The following ASPSCR1 variants were observed in gnomAD, a reference collection of about 807,000 sequenced individuals.
ASPSCR1 encodes tether containing UBX domain for GLUT4.
Under a neutral mutation model 68.9 loss-of-function variants are expected in ASPSCR1, and 55 were observed. The ratio of observed to expected loss-of-function variants is 0.80; its 90% confidence interval spans 0.64 to 1.00. The LOEUF is 1.00. ASPSCR1 is among the 50% of genes least tolerant of loss of function. ASPSCR1 has a pLI of 0.00. For synonymous variants in ASPSCR1, 352 were observed against 332.6 expected (o/e 1.06, Z -0.63); for missense variants, 765 against 762.2 (o/e 1.00, Z -0.04).
At chr17:81,979,330 G>T in intron 2 of ASPSCR1, 91 bp downstream of exon 2, 1 of 1,471,742 alleles carries the variant, frequency 6.8e-7, no homozygotes, top group Non-Finnish European at 9.5e-7. Context: ...AAGCCCCCAG[G>T]TGGTTTTAAA....
intron 13 of ASPSCR1, 95 bp from the exon 14 acceptor site, chr17:82,016,705 C>A (rs1162178512): frequency 4.7e-6 from 7 of 1,483,416 alleles, no homozygotes; most frequent in South Asian, 2.4e-5. Context: ...GCTGGCCACC[C>A]CCCTCCCAGA....
At chr17:81,995,572 G>A (rs1567970138) in intron 5 of ASPSCR1, 1 of 358,708 alleles carries the variant, frequency 2.8e-6, no homozygotes, top group Non-Finnish European at 5.2e-6. Flanking sequence ...TATGGGACGT[G>A]GCCAGCCAGG....
intron 12 of ASPSCR1, chr17:82,012,973 CTT>C (rs2043000694): frequency 6.6e-6 from 1 of 152,318 alleles, no homozygotes; most frequent in African/African-American, 2.4e-5. Context: ...TTCAAAGCCT[CTT>C]CAGATATTTT....
In ASPSCR1 at chr17:81,996,788, A is replaced by G; in HGVS notation, c.875A>G (p.Gln292Arg). Residue 292 changes from glutamine to arginine, a missense_variant, in exon 7 of 16, where the codon CAG becomes CGG. Gln to Arg is a conservative substitution (Grantham distance 43). Transcript: ENST00000306739. ...PKKSKSGQDPQQEQEQERERD... is the reference protein window; with the variant it reads ...PKKSKSGQDPRQEQEQERERD... ...AAGTCCAAGTCGGGCCAGGATCCCC[A>G]GCAGGAGCAGGAGCAGGAGCGGGAG... 6.2e-7 allele frequency: 1 copy of G among 1,606,202 alleles called. No individual in the cohort carries two copies. Among genetic ancestry groups the G allele is most frequent in the Non-Finnish European group, 8.5e-7 (1 of 1,177,624 alleles).
intron 2 of ASPSCR1, among the ~76,000 whole-genome samples, chr17:81,979,663 T>TG (rs899988987): frequency 4.6e-5 from 7 of 152,110 alleles, no homozygotes; most frequent in Non-Finnish European, 7.4e-5. Flanking sequence ...CCATCTTTTT[T>TG]GGGGGGGCCA....
chr17:82,015,030 C>T, intron 12 of ASPSCR1: 8 of 1,550,142 alleles, frequency 5.2e-6, no homozygotes, highest in Non-Finnish European at 6.9e-6. Flanking sequence ...CTTCCCGGGC[C>T]CTGCTCTGGC....
At chr17:81,991,873 C>G (rs1317998092) in intron 4 of ASPSCR1, among the ~76,000 whole-genome samples, 2 of 152,264 alleles carry the variant, frequency 1.3e-5, no homozygotes, top group East Asian at 3.8e-4. Flanking sequence ...GACATGAACA[C>G]AGAGAGCTCT....
chr17:82,002,237 C>A (rs1291504686), intron 7 of ASPSCR1, among the ~76,000 whole-genome samples: 1 of 151,178 alleles, frequency 6.6e-6, no homozygotes, highest in Non-Finnish European at 1.5e-5. Context: ...TTTATATTTT[C>A]ATCTTTTCAT....
At chr17:82,001,874 G>A (rs907829413) in intron 7 of ASPSCR1, among the ~76,000 whole-genome samples, 9 of 152,138 alleles carry the variant, frequency 5.9e-5, no homozygotes, top group South Asian at 2.1e-4. Context: ...GTGTTGGTGC[G>A]CTTTATCCAC....
Position 82,009,167 on chromosome 17 carries a change from G to A in ASPSCR1, c.1064G>A (p.Arg355His), listed in dbSNP as rs766003319. 80 of 1,610,492 alleles carry A rather than the reference G, an allele frequency of 5.0e-5. No homozygotes were observed. The highest frequency in any genetic ancestry group is 1.5e-4 in the African/African-American group (11 of 74,848). Reference protein sequence around the residue: ...FELTVDDVRRRLAQLKSERKR... With the variant: ...FELTVDDVRRHLAQLKSERKR... ...CTGACGGTGGACGACGTGAGAAGACGCTTGGCCCAGCTCAAGAGTGAGCGG... is the reference window on the plus strand; with the variant it reads ...CTGACGGTGGACGACGTGAGAAGACACTTGGCCCAGCTCAAGAGTGAGCGG... The change falls in exon 8 of 16, where the codon CGC (arginine) becomes CAC (histidine). Residue 355 changes from arginine (R) to histidine (H), a missense_variant. By Grantham distance (29) the Arg-to-His change is conservative. Coordinates refer to ENST00000306739, the MANE Select transcript of ASPSCR1 (RefSeq NM_024083.4).
intron 4 of ASPSCR1, among the ~76,000 whole-genome samples, chr17:81,991,866 A>G (rs1399002256): frequency 1.3e-5 from 2 of 152,246 alleles, no homozygotes; most frequent in African/African-American, 4.8e-5. Context: ...CAGACAGGAC[A>G]TGAACACAGA....
At chr17:81,991,923 C>T (rs1423352997) in intron 4 of ASPSCR1, among the ~76,000 whole-genome samples, 1 of 152,244 alleles carries the variant, frequency 6.6e-6, no homozygotes, top group Non-Finnish European at 1.5e-5. Context: ...CCGCGCCTTG[C>T]CGGAGCGGGG....
At chr17:81,996,941 G>A (rs948017423) in intron 7 of ASPSCR1, 95 bp downstream of exon 7, 58 of 1,509,222 alleles carry the variant, frequency 3.8e-5, no homozygotes, top group African/African-American at 2.4e-4. Flanking sequence ...TGGCGTGGCC[G>A]TGATGCGGGC....
At chr17:81,981,151 G>A (rs955448889) in intron 2 of ASPSCR1, among the ~76,000 whole-genome samples, 3 of 152,226 alleles carry the variant, frequency 2.0e-5, no homozygotes. Context: ...GAAACCGCAA[G>A]AGAGAAGGGC....
At chr17:82,009,915 C>CT (rs36093868) in intron 9 of ASPSCR1, 5,482 of 199,236 alleles carry the variant, frequency 0.028, 2 homozygotes, top group South Asian at 0.076. Context: ...AGAATGAAAC[C>CT]TTTTTTTTTT....
At chr17:81,981,216 T>A (rs1189038183) in intron 2 of ASPSCR1, among the ~76,000 whole-genome samples, 1 of 152,120 alleles carries the variant, frequency 6.6e-6, no homozygotes, top group African/African-American at 2.4e-5. Context: ...TGGAAAGGGC[T>A]GCTTTCTGTT....
chr17:81,989,491 A>G (rs1490702833), intron 4 of ASPSCR1, among the ~76,000 whole-genome samples: 1 of 152,136 alleles, frequency 6.6e-6, no homozygotes. Flanking sequence ...ACGGGCGGGA[A>G]GCTGATGTTT....
At chr17:82,015,355 G>A (rs752860661) in intron 12 of ASPSCR1, 17 of 1,596,568 alleles carry the variant, frequency 1.1e-5, no homozygotes, top group African/African-American at 6.7e-5. Context: ...GGGACAGGCC[G>A]GGTAGGCTGC....
chr17:82,002,539 G>A (rs1330488885), intron 7 of ASPSCR1, among the ~76,000 whole-genome samples: 5 of 151,870 alleles, frequency 3.3e-5, no homozygotes, highest in African/African-American at 9.7e-5. Context: ...ACAGGTGTGA[G>A]CCTCTGTGCC....
Sources: gnomAD v4.1 joint callset for allele counts (sites outside exome capture counted in the v4.1 genomes callset) on GRCh38, gnomAD v4.1.1 for gene constraint, MANE v1.5 for transcripts, NCBI Gene and HGNC (gene_info 2026-07-23, HGNC 2026-07-21) for gene names.